Variants in PSME4 observed in about 807,000 individuals in gnomAD.
PSME4 encodes proteasome activator complex subunit 4.
Under a neutral mutation model 253.9 loss-of-function variants are expected in PSME4, and 89 were observed. That is an observed-to-expected ratio of 0.35 (90% CI 0.30 to 0.42). PSME4 has a LOEUF of 0.42. Ranked by LOEUF, PSME4 falls within the 10% of genes least tolerant of loss-of-function variation. The probability of loss-of-function intolerance (pLI) is 1.00; values close to 1 mark genes in which losing one functional copy is unlikely to be tolerated. For synonymous variants in PSME4, 851 were observed against 759.2 expected (o/e 1.12, Z -1.99); for missense variants, 2,014 against 2,195.2 (o/e 0.92, Z 1.65).
chr2:53,936,585 A>G (rs1446668079), intron 6 of PSME4, among the ~76,000 whole-genome samples, 179 bp downstream of exon 6: 1 of 138,016 alleles, frequency 7.2e-6, no homozygotes, highest in Non-Finnish European at 1.6e-5. Context: ...GTTAGAATAC[A>G]ACAAATAATA....
At chr2:53,936,249 T>G in intron 6 of PSME4, 88 bp from the exon 7 acceptor site, 2 of 1,562,088 alleles carry the variant, frequency 1.3e-6, no homozygotes, top group South Asian at 1.2e-5. Context: ...TTGTTCTTTT[T>G]GGCAATCATT....
chr2:53,949,315 A>T (rs762220246), intron 1 of PSME4, 32 bp from the exon 2 acceptor site: 6 of 1,407,070 alleles, frequency 4.3e-6, no homozygotes, highest in Non-Finnish European at 5.8e-6. Context: ...ACCCTTTAAA[A>T]ATAGGTATGA....
rs760352529 is a variant in PSME4, at chr2:53,904,010, A to G, written c.3075+15T>C. 4 of 1,582,740 alleles carry G rather than the reference A, an allele frequency of 2.5e-6. No homozygotes were observed. The highest frequency in any genetic ancestry group is 2.6e-6 in the Non-Finnish European group (3 of 1,166,418). On this transcript the variant is annotated intron_variant, in intron 27 of 46. Coordinates refer to ENST00000404125, the MANE Select transcript of PSME4 (RefSeq NM_014614.3). The stretch of plus-strand genomic sequence containing the variant: ...TTGAAAATGTTTACAGTAAAATAGG[A>G]AAAAAACCCTATACCTTGAATTGTT...
chr2:53,928,159 T>C lies in PSME4; in HGVS notation c.1461A>G (p.Arg487=). 1 of 1,614,064 alleles carries C rather than the reference T, an allele frequency of 6.2e-7. No homozygotes were observed. The highest frequency in any genetic ancestry group is 1.1e-5 in the South Asian group (1 of 91,058). ...CATTTGGATCCACCCCAGGCAATGC[T>C]CTCATCAACAGAGGTAGCATATGTG... The part of the protein sequence containing the change: ...GPTHMLPLLM[R]ALPGVDPNDF... The change falls in exon 11 of 47, where the codon AGA becomes AGG. Residue 487 remains arginine, a synonymous_variant. Transcript: ENST00000404125.
At chr2:53,891,279 A>T (rs934224774) in intron 36 of PSME4, among the ~76,000 whole-genome samples, 1 of 152,180 alleles carries the variant, frequency 6.6e-6, no homozygotes, top group Admixed American at 6.5e-5. Context: ...ATTTACACAC[A>T]TAGATTTTCT....
chr2:53,954,115 G>A (rs1400018307), intron 1 of PSME4, among the ~76,000 whole-genome samples: 1 of 151,818 alleles, frequency 6.6e-6, no homozygotes, highest in East Asian at 1.9e-4. Flanking sequence ...AGATCACGAG[G>A]TCAGGAGTTC....
chr2:53,884,532 T>C (rs1250918182), intron 41 of PSME4, among the ~76,000 whole-genome samples: 1 of 152,344 alleles, frequency 6.6e-6, no homozygotes, highest in Middle Eastern at 3.4e-3. Context: ...TTTCTAATGA[T>C]ATAAGTTTTT....
At chr2:53,968,828 A>C (rs1282325687) in intron 1 of PSME4, among the ~76,000 whole-genome samples, 1 of 152,254 alleles carries the variant, frequency 6.6e-6, no homozygotes, top group Non-Finnish European at 1.5e-5. Context: ...CCAAAACAAT[A>C]ACAAAACTCG....
intron 28 of PSME4, 140 bp from the exon 29 acceptor site, chr2:53,900,157 C>A: frequency 1.2e-6 from 1 of 838,332 alleles, no homozygotes; most frequent in South Asian, 1.9e-5. Context: ...TATGAAATAT[C>A]TAATAATGGG....
At chr2:53,868,227 T>C (rs986512899) in intron 44 of PSME4, among the ~76,000 whole-genome samples, 1 of 150,274 alleles carries the variant, frequency 6.7e-6, no homozygotes, top group South Asian at 2.1e-4. Context: ...AAGGCCCAGG[T>C]GGGTGGATCA....
intron 8 of PSME4, 134 bp from the exon 9 acceptor site, chr2:53,932,894 T>TA (rs551925200): frequency 3.2e-6 from 2 of 630,270 alleles, no homozygotes; most frequent in African/African-American, 3.7e-5. Flanking sequence ...ATTCTACCTT[T>TA]AAATAAGAGT....
At chr2:53,893,377 T>C (rs1679999489) in intron 35 of PSME4, among the ~76,000 whole-genome samples, 1 of 152,206 alleles carries the variant, frequency 6.6e-6, no homozygotes, top group Non-Finnish European at 1.5e-5. Flanking sequence ...AATGGTATTG[T>C]ATTTGCATAT....
intron 43 of PSME4, among the ~76,000 whole-genome samples, chr2:53,871,476 G>A (rs903584750): frequency 1.3e-5 from 2 of 151,156 alleles, no homozygotes; most frequent in East Asian, 2.0e-4. Flanking sequence ...GGATGGTCTC[G>A]ATCTCCTGAC....
chr2:53,940,672 G>A (rs809281), intron 3 of PSME4, among the ~76,000 whole-genome samples: 34,511 of 150,892 alleles, frequency 0.23, 4,360 homozygotes, highest in South Asian at 0.31. Flanking sequence ...GTTTAAACAC[G>A]TGACCAGAAT....
chr2:53,923,749 C>T (rs991390506), intron 14 of PSME4, among the ~76,000 whole-genome samples: 1 of 151,840 alleles, frequency 6.6e-6, no homozygotes, highest in African/African-American at 2.4e-5. Context: ...ATGGCGAAAC[C>T]CTGTCTCCAC....
At chr2:53,915,510 T>C (rs1023906642) in intron 20 of PSME4, among the ~76,000 whole-genome samples, 10 of 151,736 alleles carry the variant, frequency 6.6e-5, no homozygotes, top group South Asian at 2.1e-4. Flanking sequence ...GGTGGGAGGA[T>C]CACTTGAGCT....
In PSME4 at chr2:53,905,032, T is replaced by C. The variant is rs186086010; in HGVS notation, c.2944-876A>G. On this transcript the variant is annotated intron_variant, in intron 26 of 46. Coordinates refer to ENST00000404125, the MANE Select transcript of PSME4 (RefSeq NM_014614.3). ...TTGAAATATGTACAATGTGTTGCTT[T>C]TACTATAACCAGTTTTTTTTTTTTT... Among the ~76,000 whole-genome samples the C allele has an allele frequency of 2.9e-3, 431 of 150,364 alleles. 1 individual carries two copies. Among genetic ancestry groups the C allele is most frequent in the Middle Eastern group, 0.014 (4 of 288 alleles).
chr2:53,889,173 T>G (rs1460795139), intron 37 of PSME4, among the ~76,000 whole-genome samples: 1 of 152,212 alleles, frequency 6.6e-6, no homozygotes, highest in Non-Finnish European at 1.5e-5. Flanking sequence ...CCATATTCAA[T>G]TATTTTAGAA....
In PSME4 at chr2:53,908,564, G is replaced by C. The variant is rs1218952888; in HGVS notation, c.2631C>G (p.Asn877Lys). The C allele has an allele frequency of 6.3e-7, 1 of 1,593,290 alleles. No individual in the cohort carries two copies. The highest frequency in any genetic ancestry group is 8.5e-7 in the Non-Finnish European group (1 of 1,171,694). The change falls in exon 23 of 47, where the codon AAC (asparagine) becomes AAG (lysine). Residue 877 changes from asparagine to lysine, a missense_variant and splice_region_variant. Coordinates refer to ENST00000404125, the MANE Select transcript of PSME4 (RefSeq NM_014614.3). ...VIATVIRKLL[N>K]HILDNSEDDT... The stretch of plus-strand genomic sequence containing the variant: ...CATCTTCTGAATTATCAAGTATGTG[G>C]TCTATAATGGAAGAAAGAAAAGGAT...
Sources: gnomAD v4.1 joint callset for allele counts (sites outside exome capture counted in the v4.1 genomes callset) on GRCh38, gnomAD v4.1.1 for gene constraint, MANE v1.5 for transcripts, NCBI Gene and HGNC (gene_info 2026-07-23, HGNC 2026-07-21) for gene names.